The following RBFOX1 variants were observed in gnomAD, a reference collection of about 807,000 sequenced individuals.
The protein encoded by RBFOX1 is RNA binding fox-1 homolog 1.
In RBFOX1, 8 loss-of-function variants were observed where a neutral mutation model predicts 57.7. The ratio of observed to expected loss-of-function variants is 0.14; its 90% confidence interval spans 0.08 to 0.25. RBFOX1 has a LOEUF of 0.25. RBFOX1 is among the 10% of genes least tolerant of loss of function. The probability of loss-of-function intolerance (pLI) is 1.00; values close to 1 mark genes in which losing one functional copy is unlikely to be tolerated. For synonymous variants in RBFOX1, 326 were observed against 222.4 expected (o/e 1.47, Z -4.15); for missense variants, 611 against 548.5 (o/e 1.11, Z -1.14).
At chr16:6,739,585 A>G (rs1001246749) in intron 3 of RBFOX1, among the ~76,000 whole-genome samples, 6 of 151,410 alleles carry the variant, frequency 4.0e-5, no homozygotes, top group South Asian at 4.2e-4. Context: ...CTTCTAGAAA[A>G]TAGAAGGTGG....
intron 12 of RBFOX1, 106 bp downstream of exon 12, chr16:7,654,053 C>A (rs2065737169): frequency 1.7e-6 from 2 of 1,208,392 alleles, no homozygotes; most frequent in Admixed American, 3.1e-5. Flanking sequence ...CCCTCCGCCA[C>A]CCCCAGAACC....
chr16:7,255,711 G>A (rs981992346), intron 4 of RBFOX1, among the ~76,000 whole-genome samples: 3 of 152,102 alleles, frequency 2.0e-5, no homozygotes, highest in African/African-American at 4.8e-5. Context: ...TGCATGAAAT[G>A]TTTGTTTTAA....
intron 4 of RBFOX1, among the ~76,000 whole-genome samples, chr16:7,095,300 G>T (rs1029182334): frequency 6.6e-6 from 1 of 151,910 alleles, no homozygotes; most frequent in Non-Finnish European, 1.5e-5. Flanking sequence ...ACTGTGCCTG[G>T]TTCATTTTTG....
intron 3 of RBFOX1, among the ~76,000 whole-genome samples, chr16:6,797,320 G>C (rs979365373): frequency 1.3e-4 from 20 of 152,244 alleles, no homozygotes; most frequent in African/African-American, 4.6e-4. Flanking sequence ...CCGTTTCAGA[G>C]CAATGAATGT....
intron 3 of RBFOX1, among the ~76,000 whole-genome samples, chr16:6,905,165 C>T (rs931753869): frequency 3.9e-5 from 6 of 152,070 alleles, no homozygotes; most frequent in African/African-American, 7.2e-5. Flanking sequence ...GTTTTCAAAT[C>T]CTTTATTCTT....
chr16:6,422,539 T>C (rs1357461155), intron 2 of RBFOX1, among the ~76,000 whole-genome samples: 1 of 152,114 alleles, frequency 6.6e-6, no homozygotes. Context: ...AGGTCCATGG[T>C]TCTGCAGGCT....
chr16:7,569,958 G>C (rs2092602568), intron 5 of RBFOX1, among the ~76,000 whole-genome samples: 1 of 152,104 alleles, frequency 6.6e-6, no homozygotes, highest in South Asian at 2.1e-4. Context: ...TTGTTTGGGG[G>C]ATCCTTCACA....
chr16:6,370,835 T>C (rs1049999472), intron 2 of RBFOX1, among the ~76,000 whole-genome samples: 8 of 152,234 alleles, frequency 5.3e-5, no homozygotes, highest in Admixed American at 6.5e-5. Flanking sequence ...TGGTAAGTTT[T>C]ATGTAATGTA....
At chr16:5,540,841 C>T (rs1031003417) in intron 2 of RBFOX1, among the ~76,000 whole-genome samples, 1 of 152,102 alleles carries the variant, frequency 6.6e-6, no homozygotes, top group African/African-American at 2.4e-5. Flanking sequence ...TCTGAATCTG[C>T]AGTTTTTTAA....
intron 3 of RBFOX1, among the ~76,000 whole-genome samples, chr16:6,717,937 G>A (rs1323948637): frequency 6.6e-6 from 1 of 152,190 alleles, no homozygotes; most frequent in African/African-American, 2.4e-5. Context: ...GTTCCACATA[G>A]TGGTCAGTGG....
chr16:5,468,947 T>C (rs2069042053), intron 2 of RBFOX1, among the ~76,000 whole-genome samples: 1 of 152,240 alleles, frequency 6.6e-6, no homozygotes, highest in Non-Finnish European at 1.5e-5. Context: ...GGCTGGGAAC[T>C]GAGAACAGAA....
intron 1 of RBFOX1, among the ~76,000 whole-genome samples, chr16:5,372,205 G>A (rs1212489754): frequency 6.6e-6 from 1 of 152,194 alleles, no homozygotes; most frequent in African/African-American, 2.4e-5. Context: ...GCCAAGGCCA[G>A]CTGGGATGTT....
intron 4 of RBFOX1, among the ~76,000 whole-genome samples, chr16:7,513,198 G>T (rs556954142): frequency 2.6e-5 from 4 of 152,210 alleles, no homozygotes; most frequent in African/African-American, 9.6e-5. Context: ...CGGAGGCGGA[G>T]GTTGCAGTGA....
At chr16:6,920,495 G>C (rs1384864161) in intron 3 of RBFOX1, among the ~76,000 whole-genome samples, 1 of 152,218 alleles carries the variant, frequency 6.6e-6, no homozygotes, top group East Asian at 1.9e-4. Context: ...CGAGTCCACA[G>C]AGGCTCTTGT....
At chr16:6,689,537 A>C (rs1455471364) in intron 3 of RBFOX1, among the ~76,000 whole-genome samples, 1 of 152,168 alleles carries the variant, frequency 6.6e-6, no homozygotes, top group African/African-American at 2.4e-5. Context: ...AGAGATGTTT[A>C]CACAGGACTT....
At chr16:7,396,758 T>C (rs540284122) in intron 4 of RBFOX1, among the ~76,000 whole-genome samples, 10 of 152,146 alleles carry the variant, frequency 6.6e-5, no homozygotes, top group Admixed American at 3.3e-4. Context: ...TTGCCAACAC[T>C]ATGAAACTGC....
intron 1 of RBFOX1, among the ~76,000 whole-genome samples, chr16:6,244,580 T>C (rs2097558695): frequency 1.3e-5 from 2 of 152,216 alleles, no homozygotes; most frequent in Non-Finnish European, 2.9e-5. Context: ...CTCAGCTCAC[T>C]GCAATGTTCG....
At chr16:5,972,110 C>T (rs1269217256) in intron 4 of RBFOX1, among the ~76,000 whole-genome samples, 2 of 152,212 alleles carry the variant, frequency 1.3e-5, no homozygotes, top group African/African-American at 4.8e-5. Context: ...CCTGGGCCTC[C>T]AGCATGCTGA....
At chr16:7,665,209 C>T (rs1294746017) in intron 13 of RBFOX1, among the ~76,000 whole-genome samples, 1 of 152,034 alleles carries the variant, frequency 6.6e-6, no homozygotes, top group African/African-American at 2.4e-5. Flanking sequence ...AATGCAATTC[C>T]CCCAAAAAGG....
Sources: allele counts gnomAD v4.1 joint callset (sites outside exome capture counted in the v4.1 genomes callset), GRCh38; gene constraint gnomAD v4.1.1; transcripts MANE v1.5; gene names NCBI Gene and HGNC (gene_info 2026-07-23, HGNC 2026-07-21).